Variants in ATP1A2 observed in about 807,000 individuals in gnomAD.
The protein encoded by ATP1A2 is sodium/potassium-transporting ATPase subunit alpha-2.
In ATP1A2, 56 loss-of-function variants were observed where a neutral mutation model predicts 113.1. The ratio of observed to expected loss-of-function variants is 0.49; its 90% CI spans 0.40 to 0.62. The LOEUF (loss-of-function observed/expected upper bound fraction) is 0.62, where lower values mean the gene tolerates loss of function less well. ATP1A2 is among the 20% of genes least tolerant of loss of function. The pLI, the probability that ATP1A2 is intolerant of heterozygous loss-of-function variation, is 0.00. For synonymous variants in ATP1A2, 490 were observed against 526.8 expected (o/e 0.93, Z 0.96); for missense variants, 712 against 1,357.8 (o/e 0.52, Z 7.47).
At chr1:160,117,023 C>T (rs937750497) in intron 1 of ATP1A2, among the ~76,000 whole-genome samples, 17 of 152,020 alleles carry the variant, frequency 1.1e-4, no homozygotes, top group Non-Finnish European at 2.5e-4. Context: ...TGCAGTTACT[C>T]ATGGATGAGT....
At chr1:160,140,306 G>A (rs61292791) in intron 22 of ATP1A2, among the ~76,000 whole-genome samples, 4,281 of 152,006 alleles carry the variant, frequency 0.028, 217 homozygotes, top group African/African-American at 0.097. Context: ...AGATAGAGGA[G>A]GCTCAGAGGT....
intron 1 of ATP1A2, among the ~76,000 whole-genome samples, chr1:160,116,410 G>A (rs995471229): frequency 2.6e-5 from 4 of 151,892 alleles, no homozygotes; most frequent in African/African-American, 9.7e-5. Flanking sequence ...AAGGACAGCT[G>A]GGCGGGGTGT....
chr1:160,136,128 G>A (rs1651927943), intron 17 of ATP1A2, 119 bp from the exon 18 acceptor site: 3 of 1,599,104 alleles, frequency 1.9e-6, no homozygotes, highest in Admixed American at 1.7e-5. Context: ...AAGACAATGG[G>A]GTCTGAATAC....
chr1:160,128,443 T>G, intron 8 of ATP1A2: 1 of 1,463,668 alleles, frequency 6.8e-7, no homozygotes, highest in South Asian at 1.2e-5. Flanking sequence ...TCAAACGTCT[T>G]AAACCCCCTA....
In ATP1A2 at chr1:160,136,077, G is replaced by A. The variant is rs913565057; in HGVS notation, c.2439+84G>A. Reference sequence around the variant, plus strand: ...GGAGGAGAGGTGCACTGGGGCAGTGGCCCCAGCTGTGGGGGTTACAGGAGA... The same window carrying A: ...GGAGGAGAGGTGCACTGGGGCAGTGACCCCAGCTGTGGGGGTTACAGGAGA... On this transcript the variant is annotated intron_variant, in intron 17 of 22. Coordinates refer to ENST00000361216, the MANE Select transcript of ATP1A2 (RefSeq NM_000702.4). The A allele has an allele frequency of 1.9e-6, 3 of 1,609,804 alleles. No individual in the cohort carries two copies. In the East Asian group the frequency reaches 6.7e-5, roughly 36 times the overall value.
chr1:160,124,175 C>G (rs1651507726), intron 5 of ATP1A2, 119 bp downstream of exon 5: 1 of 1,554,512 alleles, frequency 6.4e-7, no homozygotes, highest in African/African-American at 1.4e-5. Flanking sequence ...CTCCAGCTTT[C>G]CATGCCAGCA....
chr1:160,128,947 C>T (rs745833747), intron 9 of ATP1A2, 33 bp from the exon 10 acceptor site: 18 of 1,594,508 alleles, frequency 1.1e-5, no homozygotes. Context: ...CTAAAGGGAG[C>T]CACGCTCCTG....
At chr1:160,128,098 C>G (rs769050511) in intron 8 of ATP1A2, among the ~76,000 whole-genome samples, 7 of 152,178 alleles carry the variant, frequency 4.6e-5, no homozygotes, top group Non-Finnish European at 8.8e-5. Context: ...GTCCAAGTCT[C>G]CTGTAGAGGC....
chr1:160,126,247 T>C (rs1265005425), intron 7 of ATP1A2, among the ~76,000 whole-genome samples: 1 of 152,210 alleles, frequency 6.6e-6, no homozygotes, highest in African/African-American at 2.4e-5. Context: ...CATCCTCCCA[T>C]ATACTTTGAA....
rs74998446 is a variant in ATP1A2 at position 160,118,618 on chromosome 1, A to G, written c.13-2288A>G. Among the ~76,000 whole-genome samples the G allele has an allele frequency of 9.3e-3, 1,415 of 152,266 alleles. 16 individuals are homozygous for G. The highest frequency in any genetic ancestry group is 0.032 in the African/African-American group (1,348 of 41,538). On this transcript the variant is annotated intron_variant, in intron 1 of 22. Transcript: ENST00000361216. The stretch of plus-strand genomic sequence containing the variant: ...AGGAGGCCAAAATTATACCAGATTC[A>G]TAGATGCTTCAGGTGGAGACAAACC...
intron 4 of ATP1A2, 33 bp from the exon 5 acceptor site, chr1:160,123,910 G>C: frequency 3.7e-6 from 6 of 1,604,490 alleles, no homozygotes; most frequent in Non-Finnish European, 5.1e-6. Flanking sequence ...TTGGGGGGAA[G>C]GTCAGGTCCC....
rs1651549596 is a variant in ATP1A2, at chr1:160,125,252, A to G, written c.747A>G (p.Glu249=). ...GTTTCTTCTCCACCAACTGTGTTGA[A>G]GGTGAGAAGCCAGGCTGCCCCCTGT... ...NICFFSTNCV[E]GTARGIVIAT... Residue 249 remains glutamate, a splice_region_variant and synonymous_variant, in exon 7 of 23, where the codon GAA becomes GAG. Coordinates refer to ENST00000361216, the MANE Select transcript of ATP1A2 (RefSeq NM_000702.4). 1 of 1,612,776 alleles carries G rather than the reference A, an allele frequency of 6.2e-7. No homozygotes were observed. The highest frequency in any genetic ancestry group is 8.5e-7 in the Non-Finnish European group (1 of 1,178,756).
At chr1:160,116,669 G>T (rs1651197066) in intron 1 of ATP1A2, among the ~76,000 whole-genome samples, 1 of 152,160 alleles carries the variant, frequency 6.6e-6, no homozygotes, top group East Asian at 1.9e-4. Flanking sequence ...ATATGGAGAA[G>T]AGTGGCCCAA....
At chr1:160,140,094 C>A in intron 22 of ATP1A2, 110 bp downstream of exon 22, 1 of 1,131,534 alleles carries the variant, frequency 8.8e-7, no homozygotes, top group African/African-American at 1.5e-5. Context: ...TTCTGTTCCT[C>A]AACACCCTCA....
chr1:160,127,491 G>A (rs1651621963), intron 7 of ATP1A2, 61 bp from the exon 8 acceptor site: 1 of 1,609,292 alleles, frequency 6.2e-7, no homozygotes, highest in Non-Finnish European at 8.5e-7. Flanking sequence ...CAGGAAATAG[G>A]ATGGGACTGC....
At chr1:160,125,353 ATT>A in intron 7 of ATP1A2, 100 bp downstream of exon 7, 1 of 1,133,262 alleles carries the variant, frequency 8.8e-7, no homozygotes, top group Non-Finnish European at 1.3e-6. Context: ...AAGCTCTGCC[ATT>A]GGTGGGGCAA....
At chr1:160,117,302 G>T (rs982468979) in intron 1 of ATP1A2, among the ~76,000 whole-genome samples, 2 of 152,132 alleles carry the variant, frequency 1.3e-5, no homozygotes, top group African/African-American at 4.8e-5. Flanking sequence ...AGGGGTTAAA[G>T]GATCAGATAA....
At chr1:160,117,967 G>A (rs74982712) in intron 1 of ATP1A2, among the ~76,000 whole-genome samples, 1 of 152,012 alleles carries the variant, frequency 6.6e-6, no homozygotes, top group African/African-American at 2.4e-5. Context: ...AGGGAGGTTG[G>A]GGGGGTCCTT....
Position 160,129,096 on chromosome 1 carries a change from G to A in ATP1A2, c.1326+7G>A, listed in dbSNP as rs751078196. 1.9e-5 allele frequency: 30 copies of A among 1,612,048 alleles called. No individual in the cohort carries two copies. In the East Asian group the frequency reaches 3.3e-4, roughly 18 times the overall value. On this transcript the variant is annotated splice_region_variant and intron_variant, in intron 10 of 22. Coordinates refer to ENST00000361216, the MANE Select transcript of ATP1A2 (RefSeq NM_000702.4). ...GAACATCTCCGTGTCTAAGGTAGGG[G>A]GTCAGGACACACACCAGGTATGTTT... is the stretch of plus-strand genomic sequence containing the variant.
Sources: gnomAD v4.1 joint callset for allele counts (sites outside exome capture counted in the v4.1 genomes callset) on GRCh38, gnomAD v4.1.1 for gene constraint, MANE v1.5 for transcripts, NCBI Gene and HGNC (gene_info 2026-07-23, HGNC 2026-07-21) for gene names.